SH2D1A: variants seen among roughly 807,000 people sequenced by gnomAD.
The protein encoded by SH2D1A is SH2 domain-containing protein 1A.
In SH2D1A, 6 loss-of-function variants were observed where a neutral mutation model predicts 10.1. The ratio of observed to expected loss-of-function variants is 0.60; its 90% confidence interval spans 0.33 to 1.18. The LOEUF (loss-of-function observed/expected upper bound fraction) is 1.18. SH2D1A is among the 50% of genes most tolerant of loss of function. SH2D1A has a pLI of 0.04. For missense variants in SH2D1A, 51 were observed against 97.6 expected (o/e 0.52, Z 2.01); for synonymous variants, 42 against 36.9 (o/e 1.14, Z -0.51).
At chrX:124,352,344 T>C (rs2060017089) in intron 1 of SH2D1A, among the ~76,000 whole-genome samples, 1 of 111,850 alleles carries the variant, frequency 8.9e-6, no homozygotes, top group Non-Finnish European at 1.9e-5. Context: ...TTTGTCTCAA[T>C]TGATCCATTT....
chrX:124,368,383 C>T (rs1467366201), intron 2 of SH2D1A, among the ~76,000 whole-genome samples: 1 of 111,414 alleles, frequency 9.0e-6, no homozygotes, highest in Non-Finnish European at 1.9e-5. Context: ...TCAGGTGGTC[C>T]GCCGGTCTCA....
rs773398510 is a variant in SH2D1A, at chrX:124,346,804, G to T, written c.137+25G>T. On this transcript the variant is annotated intron_variant, in intron 1 of 3. Coordinates refer to ENST00000371139, the MANE Select transcript of SH2D1A (RefSeq NM_002351.5). ...TGTGAGTATGATACGGTGGACATGG[G>T]CCTGCTGAGGGTGTGGGCGGTGGGC... is the stretch of plus-strand genomic sequence containing the variant. 7 of 1,209,809 alleles carry T rather than the reference G, an allele frequency of 5.8e-6. No homozygotes were observed. The East Asian group carries it at 2.1e-4, about 36-fold the overall frequency.
chrX:124,359,558 C>A, intron 1 of SH2D1A, among the ~76,000 whole-genome samples: 1 of 111,625 alleles, frequency 9.0e-6, no homozygotes, highest in South Asian at 3.8e-4. Flanking sequence ...ATGTTGAGTT[C>A]CCATGGTGAA....
intron 1 of SH2D1A, among the ~76,000 whole-genome samples, chrX:124,354,013 T>C (rs2060021092): frequency 8.9e-6 from 1 of 112,042 alleles, no homozygotes; most frequent in Non-Finnish European, 1.9e-5. Context: ...TAACTTCATT[T>C]AGTGAGAAAT....
chrX:124,369,262 T>C (rs1451537633), intron 2 of SH2D1A, among the ~76,000 whole-genome samples: 1 of 111,588 alleles, frequency 9.0e-6, no homozygotes, highest in Non-Finnish European at 1.9e-5. Context: ...TAGTCATTGT[T>C]CAATTGCTCA....
intron 1 of SH2D1A, among the ~76,000 whole-genome samples, chrX:124,348,560 C>CT (rs1167778345): frequency 9.0e-6 from 1 of 111,716 alleles, no homozygotes; most frequent in African/African-American, 3.3e-5. Context: ...GTTCAACTGT[C>CT]TCCTCCCTCA....
chrX:124,359,238 G>A lies in SH2D1A; in HGVS notation c.138-6523G>A, dbSNP rs756141661. On this transcript the variant is annotated intron_variant, in intron 1 of 3. Transcript: ENST00000371139. ...CTTAACTGAAAGTGAGATAAGATCA[G>A]ATTCGTTAGGAAACAATTCTCAAAA... 1.9e-3 allele frequency among the ~76,000 whole-genome samples: 213 copies of A among 111,854 alleles called. 2 individuals carry two copies. Among genetic ancestry groups the A allele is most frequent in the African/African-American group, 6.2e-3 (192 of 30,828 alleles).
chrX:124,365,343 T>C (rs906338391), intron 1 of SH2D1A, among the ~76,000 whole-genome samples: 10 of 110,634 alleles, frequency 9.0e-5, no homozygotes, highest in African/African-American at 2.6e-4. Context: ...ATTATTTATG[T>C]GGGCCTGATA....
intron 1 of SH2D1A, among the ~76,000 whole-genome samples, chrX:124,354,715 AAT>A (rs1033876956): frequency 1.8e-5 from 2 of 112,391 alleles, no homozygotes; most frequent in African/African-American, 6.5e-5. Context: ...GTTAACATGT[AAT>A]ATGTGTTTTT....
chrX:124,369,969 T>G (rs1038024981), intron 2 of SH2D1A, among the ~76,000 whole-genome samples: 4 of 111,424 alleles, frequency 3.6e-5, no homozygotes, highest in African/African-American at 1.3e-4. Context: ...AGAACTGAAA[T>G]GACAGCTCAT....
intron 1 of SH2D1A, chrX:124,364,491 A>G: frequency 4.3e-6 from 1 of 230,717 alleles, no homozygotes; most frequent in Non-Finnish European, 7.8e-6. Flanking sequence ...GCTAAGATTA[A>G]TTTATTATTG....
chrX:124,370,407 T>C, intron 3 of SH2D1A, 87 bp downstream of exon 3: 1 of 809,951 alleles, frequency 1.2e-6, no homozygotes, highest in Non-Finnish European at 1.9e-6. Context: ...AATTAGAAGT[T>C]ATGTAAGAAA....
At chrX:124,367,015 T>C (rs952260808) in intron 2 of SH2D1A, among the ~76,000 whole-genome samples, 1 of 110,733 alleles carries the variant, frequency 9.0e-6, no homozygotes, top group African/African-American at 3.3e-5. Flanking sequence ...TCTTAAATGC[T>C]TAGGGTTTAA....
intron 1 of SH2D1A, among the ~76,000 whole-genome samples, chrX:124,347,435 A>G (rs186882055): frequency 1.1e-3 from 121 of 111,505 alleles, no homozygotes; most frequent in Non-Finnish European, 2.0e-3. Context: ...CTTAAAGGGA[A>G]TGGAGGGAAA....
chrX:124,364,908 T>C (rs1023878451), intron 1 of SH2D1A, among the ~76,000 whole-genome samples: 7 of 111,386 alleles, frequency 6.3e-5, no homozygotes, highest in Non-Finnish European at 1.3e-4. Flanking sequence ...GCTCCATTCA[T>C]GGTAAGTACT....
intron 1 of SH2D1A, among the ~76,000 whole-genome samples, chrX:124,358,212 C>T (rs1292736085): frequency 1.8e-5 from 2 of 111,210 alleles, no homozygotes; most frequent in Non-Finnish European, 3.8e-5. Flanking sequence ...TTATTTTGAG[C>T]AATTATTCCT....
rs955911239 is a variant in SH2D1A at position 124,358,738 on chromosome X, A to G, written c.138-7023A>G. 4.5e-5 allele frequency among the ~76,000 whole-genome samples: 5 copies of G among 112,022 alleles called. No individual in the cohort carries two copies. The Admixed American group carries it at 4.7e-4, about 11-fold the overall frequency. Reference sequence around the variant, plus strand: ...AGGGAAGTTGCCATCAATATTCCCAATGAGATGTGGGCATTCGCTTTACAT... The same window carrying G: ...AGGGAAGTTGCCATCAATATTCCCAGTGAGATGTGGGCATTCGCTTTACAT... On this transcript the variant is annotated intron_variant, in intron 1 of 3. Transcript: ENST00000371139.
At chrX:124,354,587 G>T (rs2060022200) in intron 1 of SH2D1A, among the ~76,000 whole-genome samples, 1 of 111,678 alleles carries the variant, frequency 9.0e-6, no homozygotes, top group African/African-American at 3.3e-5. Flanking sequence ...CCTTGGGCAG[G>T]TTACTTTAAC....
intron 1 of SH2D1A, among the ~76,000 whole-genome samples, chrX:124,350,045 G>C (rs2060003776): frequency 1.0e-5 from 1 of 95,658 alleles, no homozygotes; most frequent in Non-Finnish European, 2.0e-5. Flanking sequence ...ATTGCTTTTT[G>C]AGCACGTGTG....
Sources: allele counts gnomAD v4.1 joint callset (sites outside exome capture counted in the v4.1 genomes callset), GRCh38; gene constraint gnomAD v4.1.1; transcripts MANE v1.5; gene names NCBI Gene and HGNC (gene_info 2026-07-23, HGNC 2026-07-21).